The following ZCCHC7 variants were observed in gnomAD, a reference collection of about 807,000 sequenced individuals.
The protein encoded by ZCCHC7 is zinc finger CCHC-type containing 7.
In ZCCHC7, 35 loss-of-function variants were observed where a neutral mutation model predicts 52.0. The observed-to-expected ratio is 0.67, with a 90% CI of 0.51 to 0.89. The LOEUF is 0.89. Among genes scored for constraint, ZCCHC7 ranks in the 40% least tolerant of loss-of-function variants. ZCCHC7 has a pLI of 0.00. For synonymous variants in ZCCHC7, 217 were observed against 221.5 expected, an observed-to-expected ratio of 0.98 and a Z score of 0.18; for missense variants, 574 against 649.1, an observed-to-expected ratio of 0.88 and a Z score of 1.26.
chr9:37,302,573 G>A (rs1397309772), intron 3 of ZCCHC7, among the ~76,000 whole-genome samples: 2 of 152,204 alleles, frequency 1.3e-5, no homozygotes, highest in East Asian at 3.8e-4. Context: ...GCAGGTGTTT[G>A]TCTTTGTCGA....
chr9:37,342,207 G>T (rs1820685338), intron 6 of ZCCHC7, among the ~76,000 whole-genome samples: 1 of 152,154 alleles, frequency 6.6e-6, no homozygotes, highest in South Asian at 2.1e-4. Context: ...CTTTGCTGAT[G>T]GGCTGGGTAT....
chr9:37,353,241 C>G (rs901536761), intron 7 of ZCCHC7, among the ~76,000 whole-genome samples: 47 of 152,198 alleles, frequency 3.1e-4, no homozygotes, highest in African/African-American at 9.9e-4. Context: ...AAGAACAAAT[C>G]AACTGAACCA....
At chr9:37,228,858 CAG>C (rs1011514766) in intron 2 of ZCCHC7, among the ~76,000 whole-genome samples, 7 of 131,670 alleles carry the variant, frequency 5.3e-5, no homozygotes, top group Non-Finnish European at 9.4e-5. Flanking sequence ...TTTTTTGAGA[CAG>C]AGTCTCACTC....
intron 5 of ZCCHC7, among the ~76,000 whole-genome samples, chr9:37,314,488 A>T (rs1829726192): frequency 1.3e-5 from 2 of 152,212 alleles, no homozygotes; most frequent in South Asian, 4.1e-4. Context: ...TTACTATTAA[A>T]TCCACTAATA....
intron 5 of ZCCHC7, among the ~76,000 whole-genome samples, chr9:37,309,687 C>T (rs1017499135): frequency 4.6e-5 from 7 of 152,082 alleles, no homozygotes; most frequent in African/African-American, 1.4e-4. Context: ...TTTGGGAGGC[C>T]GAGGTAGGCA....
chr9:37,153,566 G>T (rs185275774), intron 2 of ZCCHC7, among the ~76,000 whole-genome samples: 1 of 151,556 alleles, frequency 6.6e-6, no homozygotes, highest in Non-Finnish European at 1.5e-5. Context: ...CTCCTGCCTC[G>T]GCCTCCCAAA....
chr9:37,244,619 T>G (rs776916085), intron 2 of ZCCHC7, among the ~76,000 whole-genome samples: 14 of 151,902 alleles, frequency 9.2e-5, no homozygotes, highest in Non-Finnish European at 1.9e-4. Context: ...CCAAGACAGT[T>G]TTTTCCTGTT....
chr9:37,235,484 T>TTTCC (rs944350442), intron 2 of ZCCHC7, among the ~76,000 whole-genome samples: 1 of 149,872 alleles, frequency 6.7e-6, no homozygotes, highest in Non-Finnish European at 1.5e-5. Flanking sequence ...CCTTCCTTTC[T>TTTCC]TTCCTTCCTT....
At chr9:37,130,334 CTTTTTTTTTTTTTT>C (rs34589957) in intron 2 of ZCCHC7, among the ~76,000 whole-genome samples, 11 of 63,100 alleles carry the variant, frequency 1.7e-4, no homozygotes, top group Admixed American at 7.7e-4. Context: ...GAATTCTCTC[CTTTTTTTTTTTTTT>C]TTTTTTTTTT....
intron 2 of ZCCHC7, among the ~76,000 whole-genome samples, chr9:37,292,556 T>C (rs1282567512): frequency 2.0e-5 from 3 of 152,138 alleles, no homozygotes; most frequent in Admixed American, 6.5e-5. Context: ...TAGGGTGTTA[T>C]AAGATAATTA....
intron 2 of ZCCHC7, among the ~76,000 whole-genome samples, chr9:37,292,753 T>C (rs1353462462): frequency 6.6e-6 from 1 of 152,214 alleles, no homozygotes; most frequent in African/African-American, 2.4e-5. Flanking sequence ...CATGGTATTT[T>C]AGTATTTTTA....
intron 2 of ZCCHC7, among the ~76,000 whole-genome samples, chr9:37,291,658 T>C (rs1588622618): frequency 6.6e-6 from 1 of 152,230 alleles, no homozygotes; most frequent in East Asian, 1.9e-4. Flanking sequence ...GTGAAAATGT[T>C]TTACAGTTTT....
intron 2 of ZCCHC7, among the ~76,000 whole-genome samples, chr9:37,267,913 C>T (rs1348383237): frequency 2.0e-5 from 3 of 152,060 alleles, no homozygotes; most frequent in Non-Finnish European, 2.9e-5. Flanking sequence ...CCATGTTGCC[C>T]AGCCTGGTCT....
At chr9:37,161,323 C>G (rs1821089690) in intron 2 of ZCCHC7, among the ~76,000 whole-genome samples, 1 of 152,062 alleles carries the variant, frequency 6.6e-6, no homozygotes, top group African/African-American at 2.4e-5. Flanking sequence ...ACCTGTAATC[C>G]CAGCACTTTG....
At chr9:37,174,551 A>G (rs144640385) in intron 2 of ZCCHC7, among the ~76,000 whole-genome samples, 93 of 152,344 alleles carry the variant, frequency 6.1e-4, no homozygotes, top group African/African-American at 2.1e-3. Context: ...TATTATCTCA[A>G]TAAAGGCATA....
intron 5 of ZCCHC7, among the ~76,000 whole-genome samples, chr9:37,324,039 A>G (rs188558920): frequency 6.6e-6 from 1 of 152,318 alleles, no homozygotes; most frequent in East Asian, 1.9e-4. Flanking sequence ...TTTTCTTGCC[A>G]TGTGTTTTCA....
intron 5 of ZCCHC7, among the ~76,000 whole-genome samples, chr9:37,320,924 A>G (rs1290902709): frequency 3.3e-5 from 5 of 150,894 alleles, no homozygotes; most frequent in Admixed American, 6.6e-5. Flanking sequence ...GTTTTAAACA[A>G]TTTGCTCTAT....
At chr9:37,136,798 GTTGTTTTGTT>G (rs1013445308) in intron 2 of ZCCHC7, among the ~76,000 whole-genome samples, 10 of 151,866 alleles carry the variant, frequency 6.6e-5, no homozygotes, top group African/African-American at 2.2e-4. Flanking sequence ...TTTGTTTTGT[GTTGTTTTGTT>G]TTGTAGAGAC....
At chr9:37,243,735 A>C in intron 2 of ZCCHC7, among the ~76,000 whole-genome samples, 1 of 151,912 alleles carries the variant, frequency 6.6e-6, no homozygotes, top group East Asian at 1.9e-4. Context: ...AAAATTGTCC[A>C]GACTGCCAAC....
Sources: allele counts gnomAD v4.1 joint callset (sites outside exome capture counted in the v4.1 genomes callset), GRCh38; gene constraint gnomAD v4.1.1; transcripts MANE v1.5; gene names NCBI Gene and HGNC (gene_info 2026-07-23, HGNC 2026-07-21).